AGRN: variants seen among roughly 807,000 people sequenced by gnomAD.
AGRN encodes agrin proteoglycan.
Under a neutral mutation model 211.0 loss-of-function variants are expected in AGRN, and 106 were observed. That is an observed-to-expected ratio of 0.50 (90% CI 0.43 to 0.59). The LOEUF (loss-of-function observed/expected upper bound fraction) is 0.59, where lower values mean the gene tolerates loss of function less well. Among genes scored for constraint, AGRN ranks in the 20% least tolerant of loss-of-function variants. AGRN has a pLI of 0.00. For missense variants in AGRN, 3,040 were observed against 2,982.6 expected (o/e 1.02, Z -0.45); for synonymous variants, 1,525 against 1,332.5 (o/e 1.14, Z -3.15).
Position 1,020,254 on chromosome 1 carries a change from G to A in AGRN, c.82G>A (p.Gly28Ser), listed in dbSNP as rs1259200596. ...GGCCGCGTGCGTCCTGCCCGGAGCCGGCGGGACATGCCCGGAGCGCGCGCT... is the reference window on the plus strand; with the variant it reads ...GGCCGCGTGCGTCCTGCCCGGAGCCAGCGGGACATGCCCGGAGCGCGCGCT... ...VVAACVLPGA[G>S]GTCPERALER... The change falls in exon 1 of 36, where the codon GGC (glycine) becomes AGC (serine). Residue 28 changes from glycine to serine, a missense_variant. Coordinates refer to ENST00000379370, the MANE Select transcript of AGRN (RefSeq NM_198576.4). The A allele has an allele frequency of 2.1e-6, 3 of 1,458,256 alleles. No individual in the cohort carries two copies. The highest frequency in any genetic ancestry group is 4.8e-5 in the Admixed American group (2 of 41,714). The allele number at this position is 1,458,256 out of a possible 1,614,324, so 90.3% of individuals were successfully genotyped here.
chr1:1,038,733 C>T (rs1644857727), intron 3 of AGRN, among the ~76,000 whole-genome samples: 1 of 152,204 alleles, frequency 6.6e-6, no homozygotes, highest in Non-Finnish European at 1.5e-5. Context: ...CATTGGTCCA[C>T]AGGTCCAGCC....
intron 18 of AGRN, 30 bp downstream of exon 18, chr1:1,046,765 T>C: frequency 6.4e-7 from 1 of 1,567,616 alleles, no homozygotes; most frequent in Non-Finnish European, 8.6e-7. Context: ...TTGGGGTGGG[T>C]GGGCAGGCGC....
rs574392375 is a variant in AGRN at position 1,046,284 on chromosome 1, T to C, written c.2911+19T>C. ...TGCCAGGGTGAGGCCTGACGGCCAC[T>C]GCCCCAGAACTGACCAGGAAGGCCT... On this transcript the variant is annotated intron_variant, in intron 17 of 35. Coordinates refer to ENST00000379370, the MANE Select transcript of AGRN (RefSeq NM_198576.4). The C allele has an allele frequency of 6.2e-7, 1 of 1,612,940 alleles. No homozygotes were observed. Among genetic ancestry groups the C allele is most frequent in the East Asian group, 2.2e-5 (1 of 44,854 alleles).
At chr1:1,025,623 C>T (rs1405917566) in intron 2 of AGRN, among the ~76,000 whole-genome samples, 3 of 152,116 alleles carry the variant, frequency 2.0e-5, no homozygotes, top group Non-Finnish European at 4.4e-5. Flanking sequence ...CCCCTGGTTC[C>T]CCCACCCCCA....
At chr1:1,021,107 G>A (rs1291115268) in intron 1 of AGRN, among the ~76,000 whole-genome samples, 2 of 152,202 alleles carry the variant, frequency 1.3e-5, no homozygotes, top group Non-Finnish European at 2.9e-5. Context: ...CCATCTCCTG[G>A]GACCAGAAAT....
At position 1,050,275 on chromosome 1, in the gene AGRN, A is replaced by G. The variant is rs1570244154; in HGVS notation, c.4922A>G (p.Asn1641Ser). The change falls in exon 28 of 36, where the codon AAC (asparagine) becomes AGC (serine). Residue 1641 changes from asparagine (N) to serine (S), a missense_variant. Coordinates refer to ENST00000379370, the MANE Select transcript of AGRN (RefSeq NM_198576.4). ...TCTGGGCCCTTCCTGGCTGACTTCA[A>G]CGGCTTCTCCCACCTGGAGCTGAGA... ...DGSGPFLADF[N>S]GFSHLELRGL... 3.7e-6 allele frequency: 6 copies of G among 1,612,906 alleles called. No individual in the cohort carries two copies. The East Asian group carries it at 1.3e-4, about 36-fold the overall frequency.
In AGRN at chr1:1,051,760, A is replaced by T. The variant is rs776389761; in HGVS notation, c.5596A>T (p.Thr1866Ser). Residue 1866 changes from threonine (T) to serine (S), a missense_variant, in exon 33 of 36, where the codon ACC becomes TCC. Transcript: ENST00000379370. ...LVEKSAGDVD[T>S]LAFDGRTFVE... ...GGAGAAGTCAGCGGGGGACGTGGAT[A>T]CCTTGGCCTTTGACGGGCGGACCTT... The T allele has an allele frequency of 6.2e-7, 1 of 1,613,784 alleles. No homozygotes were observed. Among genetic ancestry groups the T allele is most frequent in the South Asian group, 1.1e-5 (1 of 91,084 alleles).
At position 1,045,435 on chromosome 1, in the gene AGRN, A is replaced by T. The variant is rs1260235453; in HGVS notation, c.2448A>T (p.Pro816=). ...DPATGQCSCR[P]GVGGLRCDRC... ...CCACAGGCCAGTGCTCCTGCCGCCC[A>T]GGTGTGGGGGGCCTCAGGTGTGACC... The change falls in exon 14 of 36, where the codon CCA becomes CCT. Residue 816 remains proline (P), a synonymous_variant. Coordinates refer to ENST00000379370, the MANE Select transcript of AGRN (RefSeq NM_198576.4). 6.2e-7 allele frequency: 1 copy of T among 1,612,276 alleles called. No homozygotes were observed. The highest frequency in any genetic ancestry group is 1.7e-5 in the Admixed American group (1 of 60,004).
intron 2 of AGRN, among the ~76,000 whole-genome samples, chr1:1,027,676 T>C (rs780548376): frequency 3.9e-5 from 6 of 152,110 alleles, no homozygotes; most frequent in Non-Finnish European, 8.8e-5. Flanking sequence ...TGGGTCACAG[T>C]CCCTCACATG....
chr1:1,055,631 G>T lies in AGRN; in HGVS notation c.*650G>T. 6.0e-6 allele frequency: 1 copy of T among 165,694 alleles called. No individual in the cohort carries two copies. The highest frequency in any genetic ancestry group is 1.3e-5 in the Non-Finnish European group (1 of 75,712). The allele number at this position is 165,694 out of a possible 1,614,324, so 10.3% of individuals were successfully genotyped here. On this transcript the variant is annotated 3_prime_UTR_variant, in exon 36 of 36. Coordinates refer to ENST00000379370, the MANE Select transcript of AGRN (RefSeq NM_198576.4). ...GACCGTATCCCTCTGCCACACCCCA[G>T]GCCCTGCGAGGGGCTATCGAGAGGA...
chr1:1,040,392 G>C (rs1644898395), intron 3 of AGRN, among the ~76,000 whole-genome samples: 1 of 152,204 alleles, frequency 6.6e-6, no homozygotes, highest in African/African-American at 2.4e-5. Context: ...GCCTGCGGCA[G>C]ACGCCCCTCT....
At chr1:1,051,426 G>A in intron 31 of AGRN, 27 bp from the exon 32 acceptor site, 1 of 1,542,674 alleles carries the variant, frequency 6.5e-7, no homozygotes, top group Non-Finnish European at 8.7e-7. Flanking sequence ...GTGGCAGGCG[G>A]GACAAGGCCC....
chr1:1,050,628 A>G (rs1645254983), intron 29 of AGRN, 37 bp downstream of exon 29: 17 of 1,604,302 alleles, frequency 1.1e-5, no homozygotes, highest in African/African-American at 1.3e-5. Flanking sequence ...GGCCTGGGGC[A>G]CTGGCCCGGG....
At position 1,045,762 on chromosome 1, in the gene AGRN, C is replaced by G. The variant is rs770329947; in HGVS notation, c.2566C>G (p.Arg856Gly). Residue 856 changes from arginine to glycine, a missense_variant, in exon 15 of 36, where the codon CGG becomes GGG. By Grantham distance (125) the Arg-to-Gly change is moderately radical. Transcript: ENST00000379370. ...PCSCDPQGAVRDDCEQMTGLC... is the reference protein window; with the variant it reads ...PCSCDPQGAVGDDCEQMTGLC... ...CAGCTGTGATCCCCAAGGCGCCGTGCGGGATGACTGTGAGCAGATGACGGG... is the reference window on the plus strand; with the variant it reads ...CAGCTGTGATCCCCAAGGCGCCGTGGGGGATGACTGTGAGCAGATGACGGG... 1.2e-5 allele frequency: 19 copies of G among 1,613,390 alleles called. No homozygotes were observed. The highest frequency in any genetic ancestry group is 1.6e-5 in the Non-Finnish European group (19 of 1,179,952).
chr1:1,051,670 C>A lies in AGRN; in HGVS notation c.5563+25C>A, dbSNP rs562723327. 7.4e-6 allele frequency: 12 copies of A among 1,612,560 alleles called. No individual in the cohort carries two copies. The African/African-American group carries it at 8.0e-5, about 11-fold the overall frequency. On this transcript the variant is annotated intron_variant, in intron 32 of 35. Coordinates refer to ENST00000379370, the MANE Select transcript of AGRN (RefSeq NM_198576.4). The stretch of plus-strand genomic sequence containing the variant: ...GGTGAGCCTGGCACAGGGCAGGGGG[C>A]GGAGGCCGGATGGGCCCGGAGCCCA...
rs192391187 is a variant in AGRN, at chr1:1,043,839, C to T, written c.1815C>T (p.Ala605=). ...SAGPCETCGD[A]VCAFGAVCSA... is the part of the protein sequence containing the mutation. ...CTCCTGCAGAGACCTGTGGAGATGCCGTGTGTGCTTTTGGGGCTGTGTGCT... is the reference window on the plus strand; with the variant it reads ...CTCCTGCAGAGACCTGTGGAGATGCTGTGTGTGCTTTTGGGGCTGTGTGCT... Residue 605 remains alanine, a synonymous_variant, in exon 10 of 36, where the codon GCC becomes GCT. Coordinates refer to ENST00000379370, the MANE Select transcript of AGRN (RefSeq NM_198576.4). 302 of 1,611,348 alleles carry T rather than the reference C, an allele frequency of 1.9e-4. 2 individuals carry two copies. In the East Asian group the frequency reaches 6.1e-3, roughly 33 times the overall value.
rs1291620000 is a variant in AGRN, at chr1:1,032,588, G to A, written c.464-2689G>A. 1.3e-5 allele frequency among the ~76,000 whole-genome samples: 2 copies of A among 152,184 alleles called. No homozygotes were observed. The highest frequency in any genetic ancestry group is 4.8e-5 in the African/African-American group (2 of 41,428). ...TGAGGTGAGGCCTGGGTGTGACCAC[G>A]CGGTGGCACTGGTGGCTGCCGGCAG... On this transcript the variant is annotated intron_variant, in intron 2 of 35. Coordinates refer to ENST00000379370, the MANE Select transcript of AGRN (RefSeq NM_198576.4). This position sits in a 1 kb window ranked among gnomAD's most constrained non-coding sequence, Gnocchi z 4.7.
Position 1,043,720 on chromosome 1 carries a change from G to C in AGRN, c.1786G>C (p.Ala596Pro). 1 of 1,601,026 alleles carries C rather than the reference G, an allele frequency of 6.2e-7. No homozygotes were observed. ...THQISLHVAS[A>P]GPCETCGDAV... ...CCAGATCAGCCTGCACGTGGCCTCAGCTGGACCCTGTGGTGAGTGAGGCCC... is the reference window on the plus strand; with the variant it reads ...CCAGATCAGCCTGCACGTGGCCTCACCTGGACCCTGTGGTGAGTGAGGCCC... Residue 596 changes from alanine to proline, a missense_variant, in exon 9 of 36, where the codon GCT (alanine) becomes CCT (proline). Transcript: ENST00000379370.
In AGRN at chr1:1,053,859, G is replaced by A. The variant is rs773716728; in HGVS notation, c.5758G>A (p.Ala1920Thr). The A allele has an allele frequency of 1.2e-6, 2 of 1,610,442 alleles. No homozygotes were observed. Among genetic ancestry groups the A allele is most frequent in the African/African-American group, 1.3e-5 (1 of 74,932 alleles). ...GKATERADYV[A>T]LAIVDGHLQL... ...GGCCACGGAGCGGGCAGACTATGTG[G>A]CACTGGCCATTGTGGACGGGCACCT... Residue 1920 changes from alanine (A) to threonine (T), a missense_variant, in exon 34 of 36, where the codon GCA becomes ACA. This residue lies in a region of AGRN where 1,537 missense variants were observed against 1,505.0 expected (regional missense o/e 1.02). Transcript: ENST00000379370.
Sources: gnomAD v4.1 joint callset for allele counts (sites outside exome capture counted in the v4.1 genomes callset) on GRCh38, gnomAD v4.1.1 for gene constraint, gnomAD v4.1.1 regional missense constraint, Gnocchi (gnomAD v3.1) non-coding constraint, MANE v1.5 for transcripts, NCBI Gene and HGNC (gene_info 2026-07-23, HGNC 2026-07-21) for gene names.